The following NBEAL1 variants were observed in gnomAD, a reference collection of about 807,000 sequenced individuals.
NBEAL1 encodes neurobeachin-like protein 1.
NBEAL1 carries 273 observed loss-of-function variants against 351.3 expected under a neutral mutation model. The ratio of observed to expected loss-of-function variants is 0.78; its 90% confidence interval spans 0.70 to 0.86. The LOEUF is 0.86. Among genes scored for constraint, NBEAL1 ranks in the 40% least tolerant of loss-of-function variants. NBEAL1 has a pLI of 0.00. For missense variants in NBEAL1, 2,961 were observed against 3,201.3 expected (o/e 0.92, Z 1.81); for synonymous variants, 1,050 against 1,086.4 (o/e 0.97, Z 0.66).
chr2:203,211,579 G>A (rs899821401), intron 54 of NBEAL1, among the ~76,000 whole-genome samples: 2 of 152,082 alleles, frequency 1.3e-5, no homozygotes, highest in Non-Finnish European at 2.9e-5. Flanking sequence ...CCCAGGTCAA[G>A]GCTACAGTAA....
chr2:203,091,525 T>C (rs369626129), intron 10 of NBEAL1, among the ~76,000 whole-genome samples: 17 of 152,344 alleles, frequency 1.1e-4, no homozygotes, highest in Admixed American at 2.0e-4. Flanking sequence ...CACTTTTTAA[T>C]ATTTTTTGAG....
intron 55 of NBEAL1, 100 bp downstream of exon 55, chr2:203,213,753 A>T: frequency 1.3e-6 from 2 of 1,545,838 alleles, no homozygotes; most frequent in South Asian, 2.5e-5. Context: ...AGGGATAAAC[A>T]AATTAAAAGC....
At chr2:203,187,387 TTGAATCCAGCAATATCTGGC>T in intron 44 of NBEAL1, among the ~76,000 whole-genome samples, 1 of 150,726 alleles carries the variant, frequency 6.6e-6, no homozygotes, top group African/African-American at 2.4e-5. Flanking sequence ...TTTTTTTTTT[TTGAATCCAGCAATATCTGGC>T]TTTTTTATAT....
chr2:203,095,594 G>T (rs2062166407), intron 10 of NBEAL1, among the ~76,000 whole-genome samples: 1 of 151,378 alleles, frequency 6.6e-6, no homozygotes, highest in Non-Finnish European at 1.5e-5. Flanking sequence ...CCCGGCCCAA[G>T]AATTGTTTTA....
chr2:203,144,974 A>G (rs749246441), intron 32 of NBEAL1, 37 bp from the exon 33 acceptor site: 6 of 1,503,436 alleles, frequency 4.0e-6, no homozygotes, highest in Non-Finnish European at 5.3e-6. Flanking sequence ...GAAGTCATAT[A>G]TTAAATTTTA....
chr2:203,183,240 C>A, intron 43 of NBEAL1, 39 bp from the exon 44 acceptor site: 2 of 1,114,514 alleles, frequency 1.8e-6, no homozygotes, highest in South Asian at 1.4e-5. Flanking sequence ...TTATTATAAT[C>A]TAAAATGATT....
In NBEAL1 at chr2:203,025,881, C is replaced by CT. The variant is rs996427068; in HGVS notation, c.51+9456dup. 1.8e-4 allele frequency among the ~76,000 whole-genome samples: 26 copies of CT among 148,526 alleles called. 1 individual carries two copies. The East Asian group carries it at 3.5e-3, about 20-fold the overall frequency. On this transcript the variant is annotated intron_variant, in intron 2 of 55. Transcript: ENST00000683969. Reference sequence around the variant, plus strand: ...TCTTGGCTGTGTTTTCTTGGAGGTTCTTTTTTTTTTATCCCATCATTTTCC... The same window carrying CT: ...TCTTGGCTGTGTTTTCTTGGAGGTTCTTTTTTTTTTTATCCCATCATTTTCC...
intron 10 of NBEAL1, among the ~76,000 whole-genome samples, chr2:203,096,000 G>A (rs1414822318): frequency 1.3e-5 from 2 of 151,908 alleles, no homozygotes; most frequent in Admixed American, 6.6e-5. Context: ...CAGGTGATCC[G>A]CCCACCTCAG....
intron 21 of NBEAL1, 142 bp from the exon 22 acceptor site, chr2:203,126,415 C>A (rs1439405022): frequency 1.6e-5 from 11 of 674,616 alleles, no homozygotes; most frequent in Non-Finnish European, 2.5e-5. Context: ...ATCAGAAAAA[C>A]CAATACTTAA....
At position 203,224,031 on chromosome 2, in the gene NBEAL1, A is replaced by G. The variant is rs1157444555; in HGVS notation, c.*6677A>G. On this transcript the variant is annotated 3_prime_UTR_variant, in exon 56 of 56. Transcript: ENST00000683969. Reference sequence around the variant, plus strand: ...AACTTTATTTTTTCCTTTGGAAAGAATAATTCTTTTGGAATTTTGGAATTT... The same window carrying G: ...AACTTTATTTTTTCCTTTGGAAAGAGTAATTCTTTTGGAATTTTGGAATTT... 2.6e-5 allele frequency among the ~76,000 whole-genome samples: 4 copies of G among 152,094 alleles called. No homozygotes were observed. Among genetic ancestry groups the G allele is most frequent in the Admixed American group, 2.6e-4 (4 of 15,270 alleles).
intron 8 of NBEAL1, among the ~76,000 whole-genome samples, chr2:203,081,531 A>T (rs905329785): frequency 6.6e-6 from 1 of 152,224 alleles, no homozygotes; most frequent in Non-Finnish European, 1.5e-5. Context: ...TATCAGTTAG[A>T]TCTATGATTT....
At chr2:203,034,904 C>G (rs748209124) in intron 2 of NBEAL1, among the ~76,000 whole-genome samples, 1 of 149,148 alleles carries the variant, frequency 6.7e-6, no homozygotes, top group Non-Finnish European at 1.5e-5. Flanking sequence ...ATATAACTGA[C>G]TTAAATGAAC....
At chr2:203,087,123 T>C (rs147932234) in intron 10 of NBEAL1, among the ~76,000 whole-genome samples, 12,961 of 145,958 alleles carry the variant, frequency 0.089, 720 homozygotes, top group Non-Finnish European at 0.12. Flanking sequence ...GGAGACAGTC[T>C]TGCTCTGTCG....
intron 40 of NBEAL1, 99 bp from the exon 41 acceptor site, chr2:203,172,630 C>T (rs961188384): frequency 3.0e-6 from 3 of 1,006,372 alleles, no homozygotes; most frequent in Non-Finnish European, 4.2e-6. Context: ...TTTTTAGAGA[C>T]TATCCCTTTT....
rs1462054536 is a variant in NBEAL1 at position 203,221,990 on chromosome 2, A to G, written c.*4636A>G. ...GATCACTGGAGCCTAGGAGCTCAAG[A>G]CCAGCCTGGGCAGCATAGTGGGCTC... On this transcript the variant is annotated 3_prime_UTR_variant, in exon 56 of 56. Transcript: ENST00000683969. Among the ~76,000 whole-genome samples the G allele has an allele frequency of 6.6e-6, 1 of 152,066 alleles. No homozygotes were observed. Among genetic ancestry groups the G allele is most frequent in the Non-Finnish European group, 1.5e-5 (1 of 68,000 alleles).
In NBEAL1 at chr2:203,201,541, A is replaced by G; in HGVS notation, c.7239-2A>G. ...AAGTCTGATATTTAATTGTGTTTAC[A>G]GAACTCAGCGCAGTATAAATGGTTC... is the stretch of plus-strand genomic sequence containing the variant. On this transcript the variant is annotated splice_acceptor_variant, in intron 49 of 55. Coordinates refer to ENST00000683969, the MANE Select transcript of NBEAL1 (RefSeq NM_001378026.1). LOFTEE classifies it high-confidence loss of function. 1 of 1,532,070 alleles carries G rather than the reference A, an allele frequency of 6.5e-7. No homozygotes were observed. Among genetic ancestry groups the G allele is most frequent in the Non-Finnish European group, 8.8e-7 (1 of 1,133,758 alleles). The allele number at this position is 1,532,070 out of a possible 1,614,324, so 94.9% of individuals were successfully genotyped here. A position where few individuals can be genotyped will look rare whatever the true frequency, so the allele number is the denominator to read the frequency against.
At position 203,151,426 on chromosome 2, in the gene NBEAL1, G is replaced by A. The variant is rs768315069; in HGVS notation, c.5463-39G>A. The A allele has an allele frequency of 4.2e-6, 6 of 1,436,576 alleles. No homozygotes were observed. The East Asian group carries it at 1.2e-4, about 28-fold the overall frequency. 89.0% of individuals were successfully genotyped at this position (1,436,576 alleles called of 1,614,324 possible). Reference sequence around the variant, plus strand: ...AAATCAAACAATCTTTGTAACTTAAGCTAAATAATTTTACTTATTTGCTTA... The same window carrying A: ...AAATCAAACAATCTTTGTAACTTAAACTAAATAATTTTACTTATTTGCTTA... On this transcript the variant is annotated intron_variant, in intron 34 of 55. Transcript: ENST00000683969.
At chr2:203,149,684 C>T (rs532282630) in intron 34 of NBEAL1, among the ~76,000 whole-genome samples, 2 of 152,142 alleles carry the variant, frequency 1.3e-5, no homozygotes, top group Non-Finnish European at 2.9e-5. Flanking sequence ...ACATTTTTAT[C>T]ACCTAAAAAG....
At position 203,083,537 on chromosome 2, in the gene NBEAL1, A is replaced by AT; in HGVS notation, c.991+13dup. The AT allele has an allele frequency of 1.3e-6, 2 of 1,492,746 alleles. No homozygotes were observed. The highest frequency in any genetic ancestry group is 1.8e-6 in the Non-Finnish European group (2 of 1,119,594). The allele number at this position is 1,492,746 out of a possible 1,614,324, so 92.5% of individuals were successfully genotyped here. On this transcript the variant is annotated intron_variant, in intron 9 of 55. Transcript: ENST00000683969. ...GATCAAAATGCTGAGTAAGTATTAC[A>AT]TAATGACAACTTTTTCTGAGTCTGT...
Sources: allele counts gnomAD v4.1 joint callset (sites outside exome capture counted in the v4.1 genomes callset), GRCh38; gene constraint gnomAD v4.1.1; transcripts MANE v1.5; gene names NCBI Gene and HGNC (gene_info 2026-07-23, HGNC 2026-07-21).